CYP3A5: variants seen among roughly 807,000 people sequenced by gnomAD.
CYP3A5 encodes the protein cytochrome P450 3A5.
Under a neutral mutation model 55.9 loss-of-function variants are expected in CYP3A5, and 51 were observed. The ratio of observed to expected loss-of-function variants is 0.91; its 90% CI spans 0.73 to 1.15. The LOEUF is 1.15. Ranked by LOEUF, CYP3A5 falls within the 50% of genes most tolerant of loss-of-function variation. The pLI is 0.00. For missense variants in CYP3A5, 533 were observed against 596.6 expected, an observed-to-expected ratio of 0.89 and a Z score of 1.11; for synonymous variants, 196 against 213.9, an observed-to-expected ratio of 0.92 and a Z score of 0.73.
intron 1 of CYP3A5, among the ~76,000 whole-genome samples, chr7:99,679,005 G>A (rs1812561070): frequency 6.6e-6 from 1 of 152,198 alleles, no homozygotes; most frequent in Admixed American, 6.5e-5. Flanking sequence ...ATCCAAATTG[G>A]CTTTCATGGC....
chr7:99,665,804 T>A (rs1810949228), intron 6 of CYP3A5, among the ~76,000 whole-genome samples: 1 of 152,232 alleles, frequency 6.6e-6, no homozygotes, highest in East Asian at 1.9e-4. Flanking sequence ...AATATCATCC[T>A]TTATTCTCTA....
chr7:99,658,601 T>A (rs1455334667), intron 10 of CYP3A5, among the ~76,000 whole-genome samples: 1 of 152,230 alleles, frequency 6.6e-6, no homozygotes, highest in Admixed American at 6.5e-5. Context: ...TGGCGTTCTC[T>A]GTATTTCCTG....
chr7:99,665,443 G>A, intron 6 of CYP3A5, 129 bp from the exon 7 acceptor site: 2 of 1,322,420 alleles, frequency 1.5e-6, no homozygotes, highest in Middle Eastern at 2.6e-4. Context: ...ACTATCTGCT[G>A]AATCATCTTC....
Position 99,650,227 on chromosome 7 carries a change from C to G in CYP3A5, c.1259G>C (p.Ser420Thr). Residue 420 changes from serine to threonine, a missense_variant, in exon 12 of 13, where the codon AGT (serine) becomes ACT (threonine). By Grantham distance (58) the Ser-to-Thr change is moderately conservative. Transcript: ENST00000222982. ...EPEEFRPERF[S>T]KKKDSIDPYI... is the part of the protein sequence containing the mutation. ...AGGATCTATGCTGTCCTTCTTCTTACTGAACCTAGTTCCATATTGGTAGAT... is the reference window on the plus strand; with the variant it reads ...AGGATCTATGCTGTCCTTCTTCTTAGTGAACCTAGTTCCATATTGGTAGAT... 6.2e-7 allele frequency: 1 copy of G among 1,613,458 alleles called. No homozygotes were observed. Among genetic ancestry groups the G allele is most frequent in the South Asian group, 1.1e-5 (1 of 90,974 alleles).
chr7:99,648,499 G>C, intron 12 of CYP3A5, 99 bp from the exon 13 acceptor site: 11 of 706,848 alleles, frequency 1.6e-5, no homozygotes, highest in Middle Eastern at 4.5e-4. Flanking sequence ...TGCTTTGCAA[G>C]CATATAAAAA....
At chr7:99,676,495 C>G (rs1311355317) in intron 1 of CYP3A5, 1 of 1,394,236 alleles carries the variant, frequency 7.2e-7, no homozygotes, top group Non-Finnish European at 9.5e-7. Context: ...CTGAGAGGTT[C>G]AGGCAGGAAT....
rs1810712073 is a variant in CYP3A5 at position 99,663,994 on chromosome 7, T to C, written c.772A>G (p.Lys258Glu). ...TTTTGTTTGTCGTTGAGGCGACTTTTCTTCATTCTGTTTACAGATTTACTT... is the reference window on the plus strand; with the variant it reads ...TTTTGTTTGTCGTTGAGGCGACTTTCCTTCATTCTGTTTACAGATTTACTT... ...FLSKSVNRMK[K>E]SRLNDKQKHR... The change falls in exon 8 of 13, where the codon AAA (lysine) becomes GAA (glutamate). Residue 258 changes from lysine (K) to glutamate (E), a missense_variant. By Grantham distance (56) the Lys-to-Glu change is moderately conservative. Transcript: ENST00000222982. 6.3e-7 allele frequency: 1 copy of C among 1,592,256 alleles called. No individual in the cohort carries two copies. The highest frequency in any genetic ancestry group is 1.4e-5 in the African/African-American group (1 of 73,428).
At chr7:99,650,001 C>A in intron 12 of CYP3A5, 72 bp downstream of exon 12, 1 of 1,530,930 alleles carries the variant, frequency 6.5e-7, no homozygotes, top group Non-Finnish European at 9.0e-7. Context: ...GATAAACATG[C>A]ATATTCTTTT....
chr7:99,652,391 G>T (rs1021894184), intron 11 of CYP3A5, 162 bp downstream of exon 11: 7 of 527,362 alleles, frequency 1.3e-5, no homozygotes, highest in South Asian at 6.3e-5. Context: ...GTTTTTTCTA[G>T]TCTGTGGTTT....
chr7:99,657,793 A>G lies in CYP3A5; in HGVS notation c.1026+2706T>C, dbSNP rs202045564. 2.9e-4 allele frequency among the ~76,000 whole-genome samples: 44 copies of G among 152,268 alleles called. No individual in the cohort carries two copies. In the East Asian group the frequency reaches 8.1e-3, roughly 28 times the overall value. The stretch of plus-strand genomic sequence containing the variant: ...TGTATTGGGTGCATATATATTTAGG[A>G]TAGTTAGCTCTTCTTGTTGAATTGA... On this transcript the variant is annotated intron_variant, in intron 10 of 12. Coordinates refer to ENST00000222982, the MANE Select transcript of CYP3A5 (RefSeq NM_000777.5).
chr7:99,664,084 A>G lies in CYP3A5; in HGVS notation c.682T>C (p.Phe228Leu), dbSNP rs142004817. 2.0e-5 allele frequency: 31 copies of G among 1,588,512 alleles called. No homozygotes were observed. Among genetic ancestry groups the G allele is most frequent in the Non-Finnish European group, 2.6e-5 (31 of 1,173,928 alleles). ...PLFLSIILFP[F>L]LTPVFEALNV... Reference sequence around the variant, plus strand: ...AATGCTTCAAAAACTGGGGTAAGGAATGGAAAGAGTACTGTGGGAAAAACA... The same window carrying G: ...AATGCTTCAAAAACTGGGGTAAGGAGTGGAAAGAGTACTGTGGGAAAAACA... The change falls in exon 8 of 13, where the codon TTC (phenylalanine) becomes CTC (leucine). Residue 228 changes from phenylalanine to leucine, a missense_variant. Phe to Leu is a conservative substitution (Grantham distance 22). Transcript: ENST00000222982.
intron 1 of CYP3A5, 115 bp downstream of exon 1, chr7:99,679,711 T>C: frequency 1.0e-6 from 1 of 958,366 alleles, no homozygotes; most frequent in African/African-American, 1.6e-5. Flanking sequence ...GTCCAACACT[T>C]CAGCTACTTC....
intron 3 of CYP3A5, chr7:99,674,185 T>C (rs41258334): frequency 0.051 from 9,782 of 191,400 alleles, 307 homozygotes; most frequent in Middle Eastern, 0.11. Flanking sequence ...AGGACACCTG[T>C]CCAGCAACTG....
intron 10 of CYP3A5, among the ~76,000 whole-genome samples, chr7:99,654,394 C>T (rs1809500012): frequency 6.6e-6 from 1 of 152,142 alleles, no homozygotes. Context: ...ATCCATGTCT[C>T]TACAAAGGAC....
At chr7:99,660,855 T>G (rs955578515) in intron 9 of CYP3A5, among the ~76,000 whole-genome samples, 196 bp from the exon 10 acceptor site, 12 of 152,088 alleles carry the variant, frequency 7.9e-5, no homozygotes, top group African/African-American at 2.9e-4. Context: ...TTAATCCAGG[T>G]TTTCCCAAGG....
intron 11 of CYP3A5, 165 bp downstream of exon 11, chr7:99,652,388 C>A: frequency 4.0e-5 from 19 of 477,480 alleles, no homozygotes; most frequent in Non-Finnish European, 4.0e-5. Flanking sequence ...TTCGTTTTTT[C>A]TAGTCTGTGG....
At chr7:99,668,706 A>G (rs1298663240) in intron 4 of CYP3A5, among the ~76,000 whole-genome samples, 1 of 152,242 alleles carries the variant, frequency 6.6e-6, no homozygotes, top group Non-Finnish European at 1.5e-5. Context: ...TGCCACGTGA[A>G]GTGAATTGTG....
chr7:99,668,817 G>T (rs535364744), intron 4 of CYP3A5, among the ~76,000 whole-genome samples: 24 of 152,344 alleles, frequency 1.6e-4, no homozygotes, highest in Non-Finnish European at 3.1e-4. Context: ...TTATGGTGGT[G>T]TGCGACTTCC....
At chr7:99,659,337 T>C (rs1366164604) in intron 10 of CYP3A5, 1 of 152,886 alleles carries the variant, frequency 6.5e-6, no homozygotes, top group African/African-American at 2.4e-5. Flanking sequence ...TTGCCGGAGG[T>C]CCACTCCAGA....
Sources: allele counts gnomAD v4.1 joint callset (sites outside exome capture counted in the v4.1 genomes callset), GRCh38; gene constraint gnomAD v4.1.1; transcripts MANE v1.5; gene names NCBI Gene and HGNC (gene_info 2026-07-23, HGNC 2026-07-21).